Variants in CTNNA2 observed in about 807,000 individuals in gnomAD.
CTNNA2 encodes catenin alpha-2.
A neutral mutation model predicts 101.0 loss-of-function variants in CTNNA2; 42 were observed. That is an observed-to-expected ratio of 0.42 (90% CI 0.32 to 0.54). The LOEUF is 0.54. CTNNA2 is among the 20% of genes least tolerant of loss of function. The pLI is 0.14. For synonymous variants in CTNNA2, 450 were observed against 456.4 expected, an observed-to-expected ratio of 0.99 and a Z score of 0.18; for missense variants, 871 against 1,223.1, an observed-to-expected ratio of 0.71 and a Z score of 4.29.
At chr2:79,585,745 A>G (rs990737794) in intron 1 of CTNNA2, among the ~76,000 whole-genome samples, 1 of 151,804 alleles carries the variant, frequency 6.6e-6, no homozygotes, top group African/African-American at 2.4e-5. Flanking sequence ...CCCCCGGACA[A>G]CATGGCCAAC....
chr2:79,760,892 C>G (rs77701098), intron 3 of CTNNA2, among the ~76,000 whole-genome samples: 2,225 of 152,064 alleles, frequency 0.015, 57 homozygotes, highest in African/African-American at 0.051. Flanking sequence ...GTGTAGATAC[C>G]AAGCAGGGTG....
intron 2 of CTNNA2, among the ~76,000 whole-genome samples, chr2:79,660,263 GTATATACACA>G (rs779943251): frequency 0.058 from 8,577 of 149,122 alleles, 307 homozygotes; most frequent in Non-Finnish European, 0.072. Context: ...ACATATGTAT[GTATATACACA>G]TATGTATGTG....
chr2:79,960,832 G>A (rs1689576708), intron 7 of CTNNA2, among the ~76,000 whole-genome samples: 2 of 152,148 alleles, frequency 1.3e-5, no homozygotes, highest in Admixed American at 1.3e-4. Flanking sequence ...TGAACTCTGA[G>A]CAGTATAAGT....
chr2:80,606,076 T>C (rs1697976362), intron 16 of CTNNA2, among the ~76,000 whole-genome samples: 1 of 151,808 alleles, frequency 6.6e-6, no homozygotes, highest in African/African-American at 2.4e-5. Flanking sequence ...GGCCACATTC[T>C]TTTTCTGCAG....
At chr2:80,122,295 A>G (rs148915797) in intron 7 of CTNNA2, among the ~76,000 whole-genome samples, 1,499 of 131,260 alleles carry the variant, frequency 0.011, 29 homozygotes, top group African/African-American at 0.039. Flanking sequence ...CTCTCTCTCA[A>G]TCTCTCTTCC....
intron 9 of CTNNA2, among the ~76,000 whole-genome samples, chr2:80,457,387 G>T (rs911803189): frequency 2.6e-5 from 4 of 151,870 alleles, no homozygotes; most frequent in Non-Finnish European, 5.9e-5. Context: ...TATATATATT[G>T]AAATAACATG....
At chr2:79,618,717 A>G (rs1314697173) in intron 1 of CTNNA2, among the ~76,000 whole-genome samples, 1 of 152,172 alleles carries the variant, frequency 6.6e-6, no homozygotes, top group East Asian at 1.9e-4. Flanking sequence ...ATCTATCTAT[A>G]TTCACTTCGT....
At chr2:79,954,549 C>G (rs1478909827) in intron 7 of CTNNA2, among the ~76,000 whole-genome samples, 1 of 152,116 alleles carries the variant, frequency 6.6e-6, no homozygotes, top group Non-Finnish European at 1.5e-5. Flanking sequence ...TAATTTTTGG[C>G]TGCACAAATT....
chr2:79,537,272 A>G (rs1023884475), intron 1 of CTNNA2, among the ~76,000 whole-genome samples: 15 of 152,154 alleles, frequency 9.9e-5, no homozygotes, highest in African/African-American at 3.6e-4. Flanking sequence ...TCAAATGCTC[A>G]TCAGCCTGTA....
chr2:80,151,727 G>A (rs1424847650), intron 7 of CTNNA2, among the ~76,000 whole-genome samples: 2 of 152,162 alleles, frequency 1.3e-5, no homozygotes, highest in East Asian at 1.9e-4. Context: ...AGTCCTCATG[G>A]TTCCTACTGG....
chr2:79,396,712 A>T (rs1481116063), intron 4 of CTNNA2, among the ~76,000 whole-genome samples: 1 of 152,162 alleles, frequency 6.6e-6, no homozygotes, highest in Non-Finnish European at 1.5e-5. Context: ...ATAATAATAA[A>T]TATTATACCA....
At chr2:80,167,940 G>A (rs1271433293) in intron 7 of CTNNA2, among the ~76,000 whole-genome samples, 1 of 152,180 alleles carries the variant, frequency 6.6e-6, no homozygotes, top group African/African-American at 2.4e-5. Flanking sequence ...GCGGCTGTTT[G>A]TGAGGGAAGC....
At chr2:80,162,464 C>G in intron 7 of CTNNA2, 1 of 1,596,856 alleles carries the variant, frequency 6.3e-7, no homozygotes, top group Middle Eastern at 1.7e-4. Flanking sequence ...TCGAGATGAG[C>G]GCCATTTTCC....
At chr2:79,494,053 A>G (rs967932773) in intron 4 of CTNNA2, among the ~76,000 whole-genome samples, 6 of 152,148 alleles carry the variant, frequency 3.9e-5, no homozygotes, top group African/African-American at 1.2e-4. Flanking sequence ...TAAAAATGAA[A>G]TTAAGAAAAA....
At chr2:80,174,050 G>C (rs1450915133) in intron 7 of CTNNA2, among the ~76,000 whole-genome samples, 1 of 152,168 alleles carries the variant, frequency 6.6e-6, no homozygotes, top group African/African-American at 2.4e-5. Flanking sequence ...TTGTAGCTGG[G>C]AGGTAATAGA....
intron 3 of CTNNA2, among the ~76,000 whole-genome samples, chr2:79,750,133 C>G (rs941916664): frequency 5.3e-5 from 8 of 152,158 alleles, no homozygotes; most frequent in African/African-American, 1.9e-4. Flanking sequence ...GGAGTTATTC[C>G]AATCATTTCT....
At chr2:79,603,371 A>C (rs1420585361) in intron 1 of CTNNA2, among the ~76,000 whole-genome samples, 1 of 152,188 alleles carries the variant, frequency 6.6e-6, no homozygotes, top group East Asian at 1.9e-4. Flanking sequence ...AACTTAGACT[A>C]TAAAGGGGAA....
chr2:79,539,134 A>T (rs1289916706), intron 1 of CTNNA2, among the ~76,000 whole-genome samples: 1 of 152,218 alleles, frequency 6.6e-6, no homozygotes, highest in Non-Finnish European at 1.5e-5. Context: ...CTGGGAGTCC[A>T]AGAAGACCAT....
intron 6 of CTNNA2, among the ~76,000 whole-genome samples, chr2:79,896,899 T>G (rs1408679298): frequency 1.3e-5 from 2 of 152,012 alleles, no homozygotes; most frequent in African/African-American, 4.8e-5. Context: ...TGAAGCATAC[T>G]GGGGTGGGGC....
Sources: gnomAD v4.1 joint callset for allele counts (sites outside exome capture counted in the v4.1 genomes callset) on GRCh38, gnomAD v4.1.1 for gene constraint, MANE v1.5 for transcripts, NCBI Gene and HGNC (gene_info 2026-07-23, HGNC 2026-07-21) for gene names.